ARHGEF12: variants seen among roughly 807,000 people sequenced by gnomAD.
ARHGEF12 encodes Rho guanine nucleotide exchange factor 12.
Under a neutral mutation model 211.2 loss-of-function variants are expected in ARHGEF12, and 66 were observed. The ratio of observed to expected loss-of-function variants is 0.31; its 90% CI spans 0.26 to 0.38. The LOEUF is 0.38. Among genes scored for constraint, ARHGEF12 ranks in the 10% least tolerant of loss-of-function variants. The probability of loss-of-function intolerance (pLI) is 1.00; values close to 1 mark genes in which losing one functional copy is unlikely to be tolerated. For synonymous variants in ARHGEF12, 592 were observed against 638.4 expected (o/e 0.93, Z 1.09); for missense variants, 1,429 against 1,869.5 (o/e 0.76, Z 4.34).
intron 38 of ARHGEF12, among the ~76,000 whole-genome samples, chr11:120,480,851 G>A (rs1947212925): frequency 6.6e-6 from 1 of 152,130 alleles, no homozygotes; most frequent in South Asian, 2.1e-4. Flanking sequence ...AATAAAGCCG[G>A]GTGGGTACCT....
At chr11:120,484,291 G>A in intron 39 of ARHGEF12, 147 bp from the exon 40 acceptor site, 1 of 632,824 alleles carries the variant, frequency 1.6e-6, no homozygotes, top group East Asian at 2.8e-5. Flanking sequence ...TCCCACTAAT[G>A]AAATTTTTAA....
intron 12 of ARHGEF12, 51 bp downstream of exon 12, chr11:120,437,433 C>A: frequency 2.1e-6 from 3 of 1,442,658 alleles, no homozygotes; most frequent in Non-Finnish European, 2.9e-6. Context: ...TTTCCTTATA[C>A]TTAAAGTATG....
At chr11:120,367,357 T>C (rs1398592584) in intron 1 of ARHGEF12, among the ~76,000 whole-genome samples, 1 of 66,712 alleles carries the variant, frequency 1.5e-5, no homozygotes, top group Non-Finnish European at 3.3e-5. Context: ...TTTTTCCTTT[T>C]TTTTTTTTTT....
rs991602991 is a variant in ARHGEF12 at position 120,485,747 on chromosome 11, T to A, written c.*670T>A. The A allele has an allele frequency of 2.1e-5, 5 of 233,236 alleles. No individual in the cohort carries two copies. The highest frequency in any genetic ancestry group is 8.8e-5 in the African/African-American group (4 of 45,244). 14.4% of individuals were successfully genotyped at this position (233,236 alleles called of 1,614,324 possible). A position where few individuals can be genotyped will look rare whatever the true frequency, so the allele number is the denominator to read the frequency against. ...GTGCCCAGGTGGTGTGGTCAGAGAG[T>A]GGATGGGCTTCCTCCCGCCCTGAGG... On this transcript the variant is annotated 3_prime_UTR_variant, in exon 41 of 41. Transcript: ENST00000397843.
At chr11:120,370,065 GAATTC>G (rs1399419657) in intron 1 of ARHGEF12, among the ~76,000 whole-genome samples, 2 of 152,082 alleles carry the variant, frequency 1.3e-5, no homozygotes, top group East Asian at 3.9e-4. Context: ...CCTAACATTT[GAATTC>G]ATGTTCTATA....
chr11:120,430,349 G>C (rs1278461385), intron 10 of ARHGEF12, among the ~76,000 whole-genome samples: 6 of 152,028 alleles, frequency 3.9e-5, no homozygotes, highest in Non-Finnish European at 8.8e-5. Context: ...CTTGTCTGAG[G>C]TCATATAGCT....
chr11:120,382,309 T>C (rs1437784947), intron 1 of ARHGEF12, among the ~76,000 whole-genome samples: 4 of 152,258 alleles, frequency 2.6e-5, no homozygotes, highest in Non-Finnish European at 4.4e-5. Flanking sequence ...TAATCTAGCA[T>C]CTTTCTTTTG....
At chr11:120,476,482 A>G (rs970501658) in intron 33 of ARHGEF12, 179 bp from the exon 34 acceptor site, 12 of 448,480 alleles carry the variant, frequency 2.7e-5, no homozygotes, top group African/African-American at 2.4e-4. Context: ...AATATAGTAC[A>G]ATAAATACGT....
intron 1 of ARHGEF12, among the ~76,000 whole-genome samples, chr11:120,388,505 T>C (rs1591531274): frequency 6.6e-6 from 1 of 152,340 alleles, no homozygotes; most frequent in East Asian, 1.9e-4. Context: ...GGCTGGATTA[T>C]ATGGTAGGTA....
At chr11:120,436,298 T>C (rs1945691073) in intron 11 of ARHGEF12, among the ~76,000 whole-genome samples, 2 of 152,234 alleles carry the variant, frequency 1.3e-5, no homozygotes, top group African/African-American at 4.8e-5. Context: ...AAGTCATTCA[T>C]TTCTCCAAGG....
chr11:120,442,670 G>A (rs771469659), intron 15 of ARHGEF12, among the ~76,000 whole-genome samples: 2 of 151,964 alleles, frequency 1.3e-5, no homozygotes, highest in East Asian at 1.9e-4. Context: ...TGATGATAAC[G>A]TTATATTTTG....
chr11:120,478,588 A>G (rs1378466218), intron 37 of ARHGEF12, among the ~76,000 whole-genome samples, 199 bp downstream of exon 37: 2 of 152,336 alleles, frequency 1.3e-5, no homozygotes, highest in Non-Finnish European at 2.9e-5. Flanking sequence ...TGCCTGGTTC[A>G]GAATCACTGT....
chr11:120,407,607 A>G, intron 2 of ARHGEF12, 131 bp from the exon 3 acceptor site: 1 of 567,606 alleles, frequency 1.8e-6, no homozygotes, highest in African/African-American at 1.9e-5. Flanking sequence ...TGTAAATTAG[A>G]GAGGCTTATG....
intron 1 of ARHGEF12, chr11:120,337,544 G>T: frequency 1.0e-6 from 1 of 985,440 alleles, no homozygotes; most frequent in Non-Finnish European, 1.2e-6. Flanking sequence ...CCTGTAGTGT[G>T]CATTAGGATT....
chr11:120,405,910 T>G, intron 1 of ARHGEF12: 1 of 447,986 alleles, frequency 2.2e-6, no homozygotes, highest in Non-Finnish European at 3.9e-6. Flanking sequence ...TGATGGTAAA[T>G]GCACTGGCAG....
intron 1 of ARHGEF12, among the ~76,000 whole-genome samples, chr11:120,345,048 C>T (rs377245734): frequency 3.9e-5 from 6 of 152,158 alleles, no homozygotes; most frequent in East Asian, 3.8e-4. Flanking sequence ...GGCATATTTA[C>T]CAAACTTAAC....
intron 1 of ARHGEF12, among the ~76,000 whole-genome samples, chr11:120,403,431 C>T (rs892978175): frequency 3.3e-5 from 5 of 151,570 alleles, no homozygotes; most frequent in African/African-American, 7.3e-5. Context: ...TGTTTGAACC[C>T]GGGAGGTGGA....
Position 120,487,278 on chromosome 11 carries a change from T to C in ARHGEF12, c.*2201T>C, listed in dbSNP as rs1947421868. ...ATTATTTGCTTTCCCTGCAGTTCAA[T>C]TTCTCCTTGGAACTCTAACAGGACT... On this transcript the variant is annotated 3_prime_UTR_variant, in exon 41 of 41. Coordinates refer to ENST00000397843, the MANE Select transcript of ARHGEF12 (RefSeq NM_015313.3). 4.6e-6 allele frequency: 1 copy of C among 219,700 alleles called. No individual in the cohort carries two copies. The highest frequency in any genetic ancestry group is 2.2e-5 in the African/African-American group (1 of 44,578). The allele number at this position is 219,700 out of a possible 1,614,324, so 13.6% of individuals were successfully genotyped here.
At position 120,480,307 on chromosome 11, in the gene ARHGEF12, G is replaced by A. The variant is rs768313745; in HGVS notation, c.4114G>A (p.Gly1372Arg). The change falls in exon 38 of 41, where the codon GGG (glycine) becomes AGG (arginine). Residue 1372 changes from glycine to arginine, a missense_variant. Coordinates refer to ENST00000397843, the MANE Select transcript of ARHGEF12 (RefSeq NM_015313.3). Reference protein sequence around the residue: ...TPEMPTMEPEGGLDDSGEHFF... With the variant: ...TPEMPTMEPERGLDDSGEHFF... ...AGAGATGCCTACCATGGAGCCAGAA[G>A]GGGGTCTTGATGACAGTGGAGAGCA... The A allele has an allele frequency of 1.5e-5, 24 of 1,614,058 alleles. No homozygotes were observed. Among genetic ancestry groups the A allele is most frequent in the Admixed American group, 1.2e-4 (7 of 60,006 alleles).
Sources: gnomAD v4.1 joint callset for allele counts (sites outside exome capture counted in the v4.1 genomes callset) on GRCh38, gnomAD v4.1.1 for gene constraint, MANE v1.5 for transcripts, NCBI Gene and HGNC (gene_info 2026-07-23, HGNC 2026-07-21) for gene names.